The following NR3C1 variants were observed in gnomAD, a reference collection of about 807,000 sequenced individuals.
NR3C1 encodes the protein nuclear receptor subfamily 3 group C member 1, also known as glucocorticoid receptor.
In NR3C1, 14 loss-of-function variants were observed where a neutral mutation model predicts 74.0. The observed-to-expected ratio is 0.19, with a 90% CI of 0.12 to 0.30. NR3C1 has a LOEUF of 0.30. Among genes scored for constraint, NR3C1 ranks in the 10% least tolerant of loss-of-function variants. NR3C1 has a pLI of 1.00. For synonymous variants in NR3C1, 308 were observed against 332.5 expected, an observed-to-expected ratio of 0.93 and a Z score of 0.80; for missense variants, 695 against 909.8, an observed-to-expected ratio of 0.76 and a Z score of 3.04.
Position 143,332,622 on chromosome 5 carries a change from A to T in NR3C1, c.1185-18454T>A, listed in dbSNP as rs946736377. 9 of 1,496,948 alleles carry T rather than the reference A, an allele frequency of 6.0e-6. No individual in the cohort carries two copies. The African/African-American group carries it at 1.3e-4, about 21-fold the overall frequency. The allele number at this position is 1,496,948 out of a possible 1,614,324, so 92.7% of individuals were successfully genotyped here. On this transcript the variant is annotated intron_variant, in intron 2 of 8. Transcript: ENST00000394464. ...TAGAAAGATGGCAGTAGCAAGACAG[A>T]AGAAAGGAAAAGGGCTCAGGTTTAA...
Position 143,399,780 on chromosome 5 carries a change from T to C in NR3C1, c.1060A>G (p.Ile354Val), listed in dbSNP as rs550659379. The C allele has an allele frequency of 2.5e-6, 4 of 1,614,204 alleles. No homozygotes were observed. The African/African-American group carries it at 4.0e-5, about 16-fold the overall frequency. The change falls in exon 2 of 9, where the codon ATT becomes GTT. Residue 354 changes from isoleucine (I) to valine (V), a missense_variant. Coordinates refer to ENST00000394464, the MANE Select transcript of NR3C1 (RefSeq NM_000176.3). The part of the protein sequence containing the change: ...QQDQKPIFNV[I>V]PPIPVGSENW... Reference sequence around the variant, plus strand: ...TCGGAACCAACGGGAATTGGTGGAATGACATTAAAAATAGGCTTCTGATCC... The same window carrying C: ...TCGGAACCAACGGGAATTGGTGGAACGACATTAAAAATAGGCTTCTGATCC...
At chr5:143,416,086 G>A (rs1561811930) in intron 1 of NR3C1, among the ~76,000 whole-genome samples, 1 of 152,148 alleles carries the variant, frequency 6.6e-6, no homozygotes, top group Non-Finnish European at 1.5e-5. Context: ...AATGCTTGAT[G>A]GCTGCCTCCA....
rs564597462 is a variant in NR3C1, at chr5:143,313,003, A to G, written c.1351+999T>C. Among the ~76,000 whole-genome samples the G allele has an allele frequency of 8.5e-5, 13 of 152,374 alleles. No individual in the cohort carries two copies. In the South Asian group the frequency reaches 1.7e-3, roughly 19 times the overall value. ...TAATTTTATAATTTGCTAATGTATT[A>G]AAAAGTAAAACAAAAGAAAATGACT... On this transcript the variant is annotated intron_variant, in intron 3 of 8. Transcript: ENST00000394464.
At chr5:143,349,056 T>C (rs553301548) in intron 2 of NR3C1, among the ~76,000 whole-genome samples, 8 of 152,178 alleles carry the variant, frequency 5.3e-5, no homozygotes, top group African/African-American at 1.9e-4. Flanking sequence ...AGAAGCCTCT[T>C]CTACAGATTT....
chr5:143,353,652 T>C (rs1220822280), intron 2 of NR3C1, among the ~76,000 whole-genome samples: 1 of 152,202 alleles, frequency 6.6e-6, no homozygotes, highest in East Asian at 1.9e-4. Context: ...TTCTGAGCAG[T>C]TGAACAGGTC....
chr5:143,416,157 T>A (rs1390089643), intron 1 of NR3C1, among the ~76,000 whole-genome samples: 1 of 152,202 alleles, frequency 6.6e-6, no homozygotes. Flanking sequence ...ACTGTTTTAC[T>A]TGCCAAGTAT....
chr5:143,434,550 T>G, exon 1 of NR3C1: 2 of 985,442 alleles, frequency 2.0e-6, no homozygotes, highest in Non-Finnish European at 2.4e-6. Context: ...TCAGACACTT[T>G]AATGAAGCAA....
At chr5:143,423,390 A>G (rs1751338442) in intron 1 of NR3C1, among the ~76,000 whole-genome samples, 1 of 152,206 alleles carries the variant, frequency 6.6e-6, no homozygotes, top group Non-Finnish European at 1.5e-5. Context: ...ATAAGTCTAA[A>G]CTACAATGAG....
chr5:143,378,400 C>T (rs1416332556), intron 2 of NR3C1, among the ~76,000 whole-genome samples: 1 of 152,104 alleles, frequency 6.6e-6, no homozygotes, highest in African/African-American at 2.4e-5. Flanking sequence ...TAAATTTCAC[C>T]CTTAATAAAA....
chr5:143,423,313 C>T (rs1316711789), intron 1 of NR3C1, among the ~76,000 whole-genome samples: 3 of 152,106 alleles, frequency 2.0e-5, no homozygotes, highest in Non-Finnish European at 2.9e-5. Context: ...TAAAAATGGT[C>T]AAAAGATCTG....
At chr5:143,398,903 C>T (rs1839740923) in intron 2 of NR3C1, among the ~76,000 whole-genome samples, 1 of 152,074 alleles carries the variant, frequency 6.6e-6, no homozygotes, top group Admixed American at 6.5e-5. Flanking sequence ...AAAATTGAAG[C>T]TTAACAATTT....
intron 2 of NR3C1, among the ~76,000 whole-genome samples, chr5:143,373,178 G>A (rs1352546649): frequency 6.6e-6 from 1 of 152,110 alleles, no homozygotes; most frequent in African/African-American, 2.4e-5. Flanking sequence ...TTGTAGATGT[G>A]TATGCCTTGT....
chr5:143,356,375 A>G (rs1487416766), intron 2 of NR3C1, among the ~76,000 whole-genome samples: 1 of 152,172 alleles, frequency 6.6e-6, no homozygotes, highest in African/African-American at 2.4e-5. Flanking sequence ...TGGAGCATCC[A>G]GAGAAATAGA....
At position 143,400,157 on chromosome 5, in the gene NR3C1, AGAG is replaced by A; in HGVS notation, c.680_682del (p.Pro227del). On this transcript the variant is annotated inframe_deletion, in exon 2 of 9. Transcript: ENST00000394464. ...AAGGAATGAATCGTCTTCTCCCGCC[AGAG>A]GAGAAAGCAAACAGTTTTCATCTAT... is the stretch of plus-strand genomic sequence containing the variant. 6.2e-7 allele frequency: 1 copy of A among 1,614,178 alleles called. No individual in the cohort carries two copies. Among genetic ancestry groups the A allele is most frequent in the Non-Finnish European group, 8.5e-7 (1 of 1,180,020 alleles).
intron 2 of NR3C1, among the ~76,000 whole-genome samples, chr5:143,385,844 CT>C (rs1250308035): frequency 6.6e-6 from 1 of 152,226 alleles, no homozygotes; most frequent in African/African-American, 2.4e-5. Flanking sequence ...GTTGCAACCT[CT>C]GCCCATTATC....
chr5:143,374,068 G>A (rs1834714347), intron 2 of NR3C1, among the ~76,000 whole-genome samples: 1 of 152,116 alleles, frequency 6.6e-6, no homozygotes, highest in South Asian at 2.1e-4. Flanking sequence ...TACCTTCATT[G>A]TTTTTTCAGG....
chr5:143,330,160 C>G (rs1461234897), intron 2 of NR3C1, among the ~76,000 whole-genome samples: 1 of 152,084 alleles, frequency 6.6e-6, no homozygotes, highest in African/African-American at 2.4e-5. Flanking sequence ...TTCTAAAATG[C>G]TATTTGCTAA....
rs1316852646 is a variant in NR3C1, at chr5:143,279,747, A to G, written c.*2142T>C. The G allele has an allele frequency of 1.5e-5, 3 of 205,894 alleles. No individual in the cohort carries two copies. The highest frequency in any genetic ancestry group is 2.3e-5 in the African/African-American group (1 of 42,816). 12.8% of individuals were successfully genotyped at this position (205,894 alleles called of 1,614,324 possible). The stretch of plus-strand genomic sequence containing the variant: ...TTGGCAACCTATGAGATTCTGCACT[A>G]TTTACATATTGCTGGTACCTCTATG... On this transcript the variant is annotated 3_prime_UTR_variant, in exon 9 of 9. Coordinates refer to ENST00000394464, the MANE Select transcript of NR3C1 (RefSeq NM_000176.3).
intron 1 of NR3C1, among the ~76,000 whole-genome samples, chr5:143,427,915 C>T (rs889896421): frequency 4.6e-5 from 7 of 152,240 alleles, no homozygotes; most frequent in Non-Finnish European, 8.8e-5. Flanking sequence ...AAATGCTTGA[C>T]ACTGTGCCTG....
Sources: allele counts gnomAD v4.1 joint callset (sites outside exome capture counted in the v4.1 genomes callset), GRCh38; gene constraint gnomAD v4.1.1; transcripts MANE v1.5; gene names NCBI Gene and HGNC (gene_info 2026-07-23, HGNC 2026-07-21).